The following COMMD10 variants were observed in gnomAD, a reference collection of about 807,000 sequenced individuals.
The protein encoded by COMMD10 is COMM domain containing 10, also known as COMM domain-containing protein 10.
Under a neutral mutation model 28.9 loss-of-function variants are expected in COMMD10, and 33 were observed. The observed-to-expected ratio is 1.14, with a 90% confidence interval of 0.87 to 1.53. COMMD10 has a LOEUF of 1.53. Among genes scored for constraint, COMMD10 ranks in the 40% most tolerant of loss-of-function variants. The pLI, the probability that COMMD10 is intolerant of heterozygous loss-of-function variation, is 0.00. For missense variants in COMMD10, 310 were observed against 233.4 expected, an observed-to-expected ratio of 1.33 and a Z score of -2.14; for synonymous variants, 110 against 81.7, an observed-to-expected ratio of 1.35 and a Z score of -1.87.
intron 5 of COMMD10, among the ~76,000 whole-genome samples, chr5:116,235,709 G>T (rs1469451649): frequency 6.6e-6 from 1 of 152,170 alleles, no homozygotes; most frequent in African/African-American, 2.4e-5. Context: ...TTGCTGATGA[G>T]AAATAGAATT....
chr5:116,114,465 G>A (rs1026895404), intron 4 of COMMD10, among the ~76,000 whole-genome samples: 5 of 152,220 alleles, frequency 3.3e-5, no homozygotes, highest in South Asian at 2.1e-4. Context: ...GAAACCAACC[G>A]AGAGAGTAAT....
intron 5 of COMMD10, among the ~76,000 whole-genome samples, chr5:116,248,634 T>C (rs921605453): frequency 6.6e-5 from 10 of 151,956 alleles, no homozygotes; most frequent in African/African-American, 1.9e-4. Flanking sequence ...GCCTTCTGTA[T>C]AGCAGTTATT....
chr5:116,166,983 C>T (rs1278114835), intron 5 of COMMD10, among the ~76,000 whole-genome samples: 2 of 152,048 alleles, frequency 1.3e-5, no homozygotes, highest in Non-Finnish European at 2.9e-5. Context: ...GGGAACATAA[C>T]TGGTTGGAGA....
intron 5 of COMMD10, among the ~76,000 whole-genome samples, chr5:116,185,929 C>T (rs1244366309): frequency 1.3e-5 from 2 of 152,128 alleles, no homozygotes; most frequent in South Asian, 2.1e-4. Flanking sequence ...CCAGCAAGAA[C>T]TCTGACCCTG....
chr5:116,241,220 T>C (rs1749799267), intron 5 of COMMD10, among the ~76,000 whole-genome samples: 1 of 152,206 alleles, frequency 6.6e-6, no homozygotes, highest in African/African-American at 2.4e-5. Flanking sequence ...TGCTTCCTTA[T>C]AATATTGAAA....
At chr5:116,248,088 A>G (rs1392408149) in intron 5 of COMMD10, among the ~76,000 whole-genome samples, 1 of 151,908 alleles carries the variant, frequency 6.6e-6, no homozygotes, top group East Asian at 1.9e-4. Context: ...TCACTGACCA[A>G]GAATACCACT....
intron 4 of COMMD10, among the ~76,000 whole-genome samples, chr5:116,116,746 C>G (rs1466899719): frequency 2.1e-5 from 3 of 142,384 alleles, no homozygotes; most frequent in Non-Finnish European, 4.5e-5. Context: ...GAGTCTCGCT[C>G]TGTCGCCCAG....
chr5:116,126,059 T>G (rs962228622), intron 4 of COMMD10, among the ~76,000 whole-genome samples: 1 of 152,236 alleles, frequency 6.6e-6, no homozygotes, highest in African/African-American at 2.4e-5. Flanking sequence ...CTCCTTAAGC[T>G]GATAAGCAAC....
intron 5 of COMMD10, among the ~76,000 whole-genome samples, chr5:116,266,173 T>C (rs1297884863): frequency 1.3e-5 from 2 of 151,674 alleles, no homozygotes; most frequent in Non-Finnish European, 1.5e-5. Context: ...GGCATTGTTT[T>C]CAGGAAAATG....
chr5:116,251,725 G>C (rs370940801), intron 5 of COMMD10, among the ~76,000 whole-genome samples: 1 of 151,576 alleles, frequency 6.6e-6, no homozygotes, highest in Non-Finnish European at 1.5e-5. Flanking sequence ...CCAAGTCTTT[G>C]CTATTGTGAA....
At chr5:116,164,098 C>T (rs1314848534) in intron 5 of COMMD10, among the ~76,000 whole-genome samples, 1 of 152,122 alleles carries the variant, frequency 6.6e-6, no homozygotes, top group Non-Finnish European at 1.5e-5. Flanking sequence ...GGGCGGATCA[C>T]CTGACGTCAG....
chr5:116,245,103 G>T (rs773488998), intron 5 of COMMD10, among the ~76,000 whole-genome samples: 2 of 150,690 alleles, frequency 1.3e-5, no homozygotes, highest in Non-Finnish European at 3.0e-5. Context: ...TAATAAAGAA[G>T]AAAAGAGAAT....
intron 5 of COMMD10, among the ~76,000 whole-genome samples, chr5:116,194,250 C>T (rs1204166091): frequency 6.6e-6 from 1 of 152,052 alleles, no homozygotes; most frequent in Non-Finnish European, 1.5e-5. Flanking sequence ...TCCAAGGTCA[C>T]ACTTCAAGGA....
intron 5 of COMMD10, among the ~76,000 whole-genome samples, chr5:116,135,654 A>C (rs534546849): frequency 1.8e-4 from 28 of 152,156 alleles, no homozygotes; most frequent in Non-Finnish European, 2.5e-4. Context: ...TTATTACACT[A>C]TGTTGTTGTA....
At chr5:116,117,353 C>G (rs1299508888) in intron 4 of COMMD10, among the ~76,000 whole-genome samples, 1 of 152,188 alleles carries the variant, frequency 6.6e-6, no homozygotes, top group Non-Finnish European at 1.5e-5. Context: ...GTTTTAGTCT[C>G]TCCATGCTAC....
chr5:116,273,359 T>C (rs1321521503), intron 5 of COMMD10, among the ~76,000 whole-genome samples: 2 of 151,844 alleles, frequency 1.3e-5, no homozygotes, highest in African/African-American at 4.9e-5. Context: ...TGACCTGTAA[T>C]CAAAAAGTGA....
In COMMD10 at chr5:116,261,687, G is replaced by C. The variant is rs1184947651; in HGVS notation, c.511-29830G>C. The stretch of plus-strand genomic sequence containing the variant: ...ATTTTTGCATATGTACAGATTTCTG[G>C]CTTCCTCATTCCTATCAACAACCAG... On this transcript the variant is annotated intron_variant, in intron 5 of 6. Transcript: ENST00000274458. Among the ~76,000 whole-genome samples the C allele has an allele frequency of 2.6e-5, 4 of 151,560 alleles. No individual in the cohort carries two copies. The South Asian group carries it at 6.2e-4, about 24-fold the overall frequency.
chr5:116,134,778 T>A (rs1174599170), intron 5 of COMMD10, among the ~76,000 whole-genome samples: 1 of 151,988 alleles, frequency 6.6e-6, no homozygotes, highest in African/African-American at 2.4e-5. Context: ...CCTGCCACCT[T>A]GTCCGGCTAA....
chr5:116,203,896 A>C (rs973157283), intron 5 of COMMD10, among the ~76,000 whole-genome samples: 3 of 152,132 alleles, frequency 2.0e-5, no homozygotes, highest in African/African-American at 7.2e-5. Context: ...AACAATATTA[A>C]CTTTAAATGT....
Sources: gnomAD v4.1 joint callset for allele counts (sites outside exome capture counted in the v4.1 genomes callset) on GRCh38, gnomAD v4.1.1 for gene constraint, MANE v1.5 for transcripts, NCBI Gene and HGNC (gene_info 2026-07-23, HGNC 2026-07-21) for gene names.